Variants in PDE4D observed in about 807,000 individuals in gnomAD.
The protein encoded by PDE4D is phosphodiesterase 4D.
In PDE4D, 24 loss-of-function variants were observed where a neutral mutation model predicts 87.4. The ratio of observed to expected loss-of-function variants is 0.27; its 90% CI spans 0.20 to 0.39. The LOEUF (loss-of-function observed/expected upper bound fraction) is 0.39. Ranked by LOEUF, PDE4D falls within the 10% of genes least tolerant of loss-of-function variation. The pLI is 1.00. For missense variants in PDE4D, 714 were observed against 1,041.0 expected (o/e 0.69, Z 4.32); for synonymous variants, 384 against 383.2 (o/e 1.00, Z -0.02).
At position 60,209,524 on chromosome 5, in the gene PDE4D, C is replaced by A. The variant is rs182789527; in HGVS notation, c.-89-23837G>T. Among the ~76,000 whole-genome samples, 436 of 152,216 alleles carry A rather than the reference C, an allele frequency of 2.9e-3. 3 individuals are homozygous for A. Among genetic ancestry groups the A allele is most frequent in the African/African-American group, 0.01 (422 of 41,516 alleles). ...GCATTAAATAAAATAGAGGAAGAAT[C>A]AATAATGATAATGTCACAGGATGGT... On this transcript the variant is annotated intron_variant, in intron 1 of 16. Transcript: ENST00000502484.
At chr5:60,329,808 A>T (rs561740425) in intron 1 of PDE4D, among the ~76,000 whole-genome samples, 40 of 152,310 alleles carry the variant, frequency 2.6e-4, no homozygotes, top group Non-Finnish European at 5.0e-4. Flanking sequence ...ATTTGATTTA[A>T]TGTCAATGCA....
At chr5:59,236,626 G>A (rs1193718220) in intron 1 of PDE4D, among the ~76,000 whole-genome samples, 1 of 152,220 alleles carries the variant, frequency 6.6e-6, no homozygotes, top group East Asian at 1.9e-4. Context: ...GTGCTTACTC[G>A]GGAGCGGGAG....
chr5:59,159,329 C>T (rs929601973), intron 5 of PDE4D, among the ~76,000 whole-genome samples: 1 of 151,390 alleles, frequency 6.6e-6, no homozygotes, highest in Non-Finnish European at 1.5e-5. Flanking sequence ...GAAAAGGTTT[C>T]ATCATGTTGC....
At chr5:60,073,641 G>T (rs1461884641) in intron 2 of PDE4D, among the ~76,000 whole-genome samples, 1 of 151,760 alleles carries the variant, frequency 6.6e-6, no homozygotes, top group African/African-American at 2.4e-5. Flanking sequence ...TGATATGAAT[G>T]GTCCTGGACT....
At chr5:59,855,310 A>C (rs1745271195) in intron 1 of PDE4D, among the ~76,000 whole-genome samples, 1 of 152,162 alleles carries the variant, frequency 6.6e-6, no homozygotes. Context: ...ACAAGGTTCC[A>C]TCCTAAAACA....
intron 1 of PDE4D, among the ~76,000 whole-genome samples, chr5:59,622,914 T>G (rs889677968): frequency 6.6e-6 from 1 of 152,206 alleles, no homozygotes; most frequent in Non-Finnish European, 1.5e-5. Context: ...TTCAGTCTTT[T>G]TGTCCTGATT....
intron 1 of PDE4D, among the ~76,000 whole-genome samples, chr5:60,447,900 C>T (rs1429291349): frequency 6.6e-6 from 1 of 152,136 alleles, no homozygotes; most frequent in Non-Finnish European, 1.5e-5. Flanking sequence ...ATCTATCTTA[C>T]TGGCCACAGT....
chr5:60,053,149 A>C (rs1770384876), intron 2 of PDE4D, among the ~76,000 whole-genome samples: 1 of 152,192 alleles, frequency 6.6e-6, no homozygotes, highest in African/African-American at 2.4e-5. Context: ...TATCCCCATC[A>C]AGCTACCACT....
At chr5:59,901,160 CA>C (rs950336747) in intron 3 of PDE4D, among the ~76,000 whole-genome samples, 3 of 152,154 alleles carry the variant, frequency 2.0e-5, no homozygotes, top group Admixed American at 6.5e-5. Context: ...CTTGCTGTTT[CA>C]AAGCCTGGAT....
intron 1 of PDE4D, among the ~76,000 whole-genome samples, chr5:59,391,909 C>A (rs1298637735): frequency 6.7e-6 from 1 of 149,574 alleles, no homozygotes; most frequent in Non-Finnish European, 1.5e-5. Flanking sequence ...AAATCTTCCC[C>A]ATACATATTT....
At chr5:59,544,172 G>T (rs1350086348) in intron 1 of PDE4D, among the ~76,000 whole-genome samples, 1 of 152,150 alleles carries the variant, frequency 6.6e-6, no homozygotes, top group Non-Finnish European at 1.5e-5. Context: ...GGAAAACTAG[G>T]TACAAGGAAA....
chr5:59,668,304 C>A (rs1335142913), intron 1 of PDE4D, among the ~76,000 whole-genome samples: 1 of 152,150 alleles, frequency 6.6e-6, no homozygotes, highest in East Asian at 1.9e-4. Flanking sequence ...CAGTAGAAAG[C>A]CTTACTATGA....
At chr5:60,363,742 G>C (rs1391139853) in intron 1 of PDE4D, among the ~76,000 whole-genome samples, 1 of 152,208 alleles carries the variant, frequency 6.6e-6, no homozygotes, top group East Asian at 1.9e-4. Context: ...CAATGATCTG[G>C]AGAAAGAGCC....
intron 1 of PDE4D, among the ~76,000 whole-genome samples, chr5:59,828,308 A>T (rs905974061): frequency 6.6e-6 from 1 of 152,122 alleles, no homozygotes; most frequent in Non-Finnish European, 1.5e-5. Context: ...ATGTTATAGA[A>T]AATATTTTTT....
At chr5:60,091,868 C>T (rs559292314) in intron 2 of PDE4D, among the ~76,000 whole-genome samples, 258 of 151,546 alleles carry the variant, frequency 1.7e-3, no homozygotes, top group African/African-American at 6.0e-3. Flanking sequence ...CTGGCTGACA[C>T]GGTGAAACCC....
At chr5:60,095,568 T>C (rs1775594316) in intron 2 of PDE4D, among the ~76,000 whole-genome samples, 1 of 152,196 alleles carries the variant, frequency 6.6e-6, no homozygotes, top group Non-Finnish European at 1.5e-5. Context: ...ATATACCCAG[T>C]AATGAGATTG....
intron 1 of PDE4D, among the ~76,000 whole-genome samples, chr5:59,440,338 A>G (rs998233178): frequency 6.6e-6 from 1 of 152,232 alleles, no homozygotes; most frequent in African/African-American, 2.4e-5. Flanking sequence ...AGCAACAGAA[A>G]CCGGTGCTAA....
chr5:59,057,269 G>A (rs1021486915), intron 5 of PDE4D, among the ~76,000 whole-genome samples: 4 of 152,178 alleles, frequency 2.6e-5, no homozygotes, highest in African/African-American at 9.7e-5. Flanking sequence ...TGAAATTTAA[G>A]AGAACAGTTT....
At chr5:60,018,345 A>G (rs1227383177) in intron 2 of PDE4D, among the ~76,000 whole-genome samples, 1 of 152,208 alleles carries the variant, frequency 6.6e-6, no homozygotes, top group Non-Finnish European at 1.5e-5. Context: ...TGAAGGAAGC[A>G]CTATGTAAAG....
Sources: gnomAD v4.1 joint callset for allele counts (sites outside exome capture counted in the v4.1 genomes callset) on GRCh38, gnomAD v4.1.1 for gene constraint, MANE v1.5 for transcripts, NCBI Gene and HGNC (gene_info 2026-07-23, HGNC 2026-07-21) for gene names.